Variants in DCC observed in about 807,000 individuals in gnomAD.
DCC encodes netrin receptor DCC.
A neutral mutation model predicts 172.5 loss-of-function variants in DCC; 58 were observed. The ratio of observed to expected loss-of-function variants is 0.34; its 90% CI spans 0.27 to 0.42. DCC has a LOEUF of 0.42. Among genes scored for constraint, DCC ranks in the 10% least tolerant of loss-of-function variants. The probability of loss-of-function intolerance (pLI) is 1.00; values close to 1 mark genes in which losing one functional copy is unlikely to be tolerated. For missense variants in DCC, 1,740 were observed against 1,791.0 expected (o/e 0.97, Z 0.51); for synonymous variants, 709 against 644.5 (o/e 1.10, Z -1.52).
intron 27 of DCC, among the ~76,000 whole-genome samples, chr18:53,505,941 TAAAGCATCTTTTTA>T (rs1458729971): frequency 6.6e-6 from 1 of 152,176 alleles, no homozygotes; most frequent in Non-Finnish European, 1.5e-5. Flanking sequence ...ATTTTGAAAA[TAAAGCATCTTTTTA>T]AAAATCAACT....
intron 1 of DCC, among the ~76,000 whole-genome samples, chr18:52,541,517 A>G (rs562685836): frequency 2.2e-4 from 33 of 152,240 alleles, no homozygotes; most frequent in African/African-American, 7.5e-4. Flanking sequence ...TAGTATCATT[A>G]CCTTTGGAAA....
At chr18:53,438,154 C>T (rs1486057761) in intron 22 of DCC, among the ~76,000 whole-genome samples, 2 of 152,188 alleles carry the variant, frequency 1.3e-5, no homozygotes, top group East Asian at 1.9e-4. Flanking sequence ...AGGATTTTCA[C>T]ATTGAAATTC....
At chr18:52,676,702 G>A (rs1035301066) in intron 1 of DCC, among the ~76,000 whole-genome samples, 1 of 152,146 alleles carries the variant, frequency 6.6e-6, no homozygotes, top group Non-Finnish European at 1.5e-5. Flanking sequence ...CCTGTCCCAA[G>A]TGCAACGTGA....
At chr18:53,048,489 TTGTGTG>T (rs71175550) in intron 5 of DCC, among the ~76,000 whole-genome samples, 5,213 of 139,376 alleles carry the variant, frequency 0.037, 126 homozygotes, top group African/African-American at 0.058. Context: ...ACTCCATGGT[TTGTGTG>T]TGTGTGTGTG....
chr18:53,362,486 T>C (rs2057958682), intron 15 of DCC, among the ~76,000 whole-genome samples: 1 of 152,164 alleles, frequency 6.6e-6, no homozygotes, highest in Non-Finnish European at 1.5e-5. Flanking sequence ...TGTCCTGCTT[T>C]CCTCCATCTG....
chr18:52,422,631 A>G (rs1389418100), intron 1 of DCC, among the ~76,000 whole-genome samples: 3 of 152,344 alleles, frequency 2.0e-5, no homozygotes, highest in Admixed American at 6.5e-5. Flanking sequence ...TATTTCTCAC[A>G]TTCATTCCAG....
chr18:53,515,798 G>A (rs2046326661), intron 27 of DCC, among the ~76,000 whole-genome samples: 1 of 151,852 alleles, frequency 6.6e-6, no homozygotes, highest in Non-Finnish European at 1.5e-5. Flanking sequence ...GGAAATAAAA[G>A]AGGATACAAA....
chr18:53,458,312 A>T (rs915943177), intron 23 of DCC, among the ~76,000 whole-genome samples: 8 of 152,260 alleles, frequency 5.3e-5, no homozygotes, highest in African/African-American at 1.9e-4. Context: ...TTTTTGAGCC[A>T]TATAGTATCT....
chr18:52,371,824 G>A (rs1985135496), intron 1 of DCC, among the ~76,000 whole-genome samples: 1 of 152,208 alleles, frequency 6.6e-6, no homozygotes, highest in Non-Finnish European at 1.5e-5. Flanking sequence ...GGAAGAATGT[G>A]TTCTTAAATT....
At chr18:52,342,284 T>TGC (rs758685500) in intron 1 of DCC, among the ~76,000 whole-genome samples, 2 of 71,160 alleles carry the variant, frequency 2.8e-5, no homozygotes, top group African/African-American at 1.1e-4. Context: ...TGTGTGCGTG[T>TGC]GTGTGTGTGT....
intron 18 of DCC, among the ~76,000 whole-genome samples, chr18:53,401,500 A>G (rs753813943): frequency 3.9e-5 from 6 of 152,214 alleles, no homozygotes; most frequent in Non-Finnish European, 8.8e-5. Context: ...TCATATTTGG[A>G]ACACTATTCA....
rs1193350880 is a variant in DCC at position 53,427,889 on chromosome 18, A to C, written c.3164-7255A>C. ...ATATATAAATATATACATATATAAT[A>C]TAATAAATTATATATAATATATAAT... On this transcript the variant is annotated intron_variant, in intron 21 of 28. Coordinates refer to ENST00000442544, the MANE Select transcript of DCC (RefSeq NM_005215.4). Among the ~76,000 whole-genome samples, 2 of 89,274 alleles carry C rather than the reference A, an allele frequency of 2.2e-5. 1 individual carries two copies. The highest frequency in any genetic ancestry group is 4.2e-5 in the Non-Finnish European group (2 of 47,454). 58.6% of individuals were successfully genotyped at this position (89,274 alleles called of 152,430 possible).
intron 1 of DCC, among the ~76,000 whole-genome samples, chr18:52,370,531 T>TTA (rs2144296032): frequency 6.6e-6 from 1 of 151,890 alleles, no homozygotes; most frequent in East Asian, 1.9e-4. Flanking sequence ...CATGGACACA[T>TTA]TGGGGGGAAC....
At chr18:53,167,562 T>A (rs1397231755) in intron 8 of DCC, among the ~76,000 whole-genome samples, 3 of 152,178 alleles carry the variant, frequency 2.0e-5, no homozygotes, top group Non-Finnish European at 4.4e-5. Context: ...ATGTGGAGAT[T>A]TTATGTAATT....
intron 1 of DCC, among the ~76,000 whole-genome samples, chr18:52,646,636 T>C (rs1023978870): frequency 6.6e-6 from 1 of 152,156 alleles, no homozygotes; most frequent in African/African-American, 2.4e-5. Flanking sequence ...TGTTTGCTGG[T>C]GTATGATAAA....
chr18:53,411,871 C>T (rs10502975), intron 20 of DCC, among the ~76,000 whole-genome samples: 4 of 151,932 alleles, frequency 2.6e-5, no homozygotes, highest in Non-Finnish European at 4.4e-5. Flanking sequence ...AAAGGCAACT[C>T]GTTATTCATT....
At chr18:52,457,118 AT>A (rs1568178591) in intron 1 of DCC, among the ~76,000 whole-genome samples, 3 of 152,152 alleles carry the variant, frequency 2.0e-5, no homozygotes, top group Non-Finnish European at 4.4e-5. Context: ...AGTTGAAATC[AT>A]TTGTAATTAT....
chr18:53,161,078 A>C (rs2054831178), intron 8 of DCC, among the ~76,000 whole-genome samples: 1 of 152,156 alleles, frequency 6.6e-6, no homozygotes, highest in South Asian at 2.1e-4. Context: ...CATTGCAACA[A>C]ATTTTGCTTC....
In DCC at chr18:53,219,140, G is replaced by A. The variant is rs559215912; in HGVS notation, c.1911+3543G>A. Among the ~76,000 whole-genome samples the A allele has an allele frequency of 1.5e-4, 23 of 152,220 alleles. No individual in the cohort carries two copies. In the South Asian group the frequency reaches 3.1e-3, roughly 21 times the overall value. On this transcript the variant is annotated intron_variant, in intron 12 of 28. Transcript: ENST00000442544. ...AATGTGATCTAGAATTTGCCTTCATGCAGCTCACAGTTGGGTAGGAAAACG... is the reference window on the plus strand; with the variant it reads ...AATGTGATCTAGAATTTGCCTTCATACAGCTCACAGTTGGGTAGGAAAACG...
Sources: allele counts gnomAD v4.1 joint callset (sites outside exome capture counted in the v4.1 genomes callset), GRCh38; gene constraint gnomAD v4.1.1; transcripts MANE v1.5; gene names NCBI Gene and HGNC (gene_info 2026-07-23, HGNC 2026-07-21).